Variants in PDE11A observed in about 807,000 individuals in gnomAD.
PDE11A encodes the protein phosphodiesterase 11A, also known as dual 3',5'-cyclic-AMP and -GMP phosphodiesterase 11A.
A neutral mutation model predicts 100.5 loss-of-function variants in PDE11A; 100 were observed. The ratio of observed to expected loss-of-function variants is 1.00; its 90% CI spans 0.85 to 1.18. The LOEUF (loss-of-function observed/expected upper bound fraction) is 1.18, where lower values mean the gene tolerates loss of function less well. Ranked by LOEUF, PDE11A falls within the 50% of genes most tolerant of loss-of-function variation. The probability of loss-of-function intolerance (pLI) is 0.00; values close to 1 mark genes in which losing one functional copy is unlikely to be tolerated. For missense variants in PDE11A, 1,141 were observed against 1,152.6 expected (o/e 0.99, Z 0.15); for synonymous variants, 381 against 420.8 (o/e 0.91, Z 1.16).
At chr2:177,647,080 C>T (rs911644974) in intron 19 of PDE11A, among the ~76,000 whole-genome samples, 2 of 152,172 alleles carry the variant, frequency 1.3e-5, no homozygotes, top group Non-Finnish European at 2.9e-5. Flanking sequence ...GGGCTTCTTA[C>T]AAGAGGTGGT....
intron 1 of PDE11A, chr2:178,104,611 C>T (rs1407951058): frequency 1.4e-6 from 1 of 701,156 alleles, no homozygotes; most frequent in South Asian, 1.8e-5. Context: ...TCCTTTAAAG[C>T]ATGCAAGCTT....
chr2:177,826,441 G>C (rs2083226594), intron 6 of PDE11A, among the ~76,000 whole-genome samples: 2 of 152,190 alleles, frequency 1.3e-5, no homozygotes, highest in Non-Finnish European at 2.9e-5. Context: ...TAATCTAGTG[G>C]TGAGAAATTC....
chr2:177,861,644 C>G (rs1268820897), intron 5 of PDE11A, among the ~76,000 whole-genome samples: 1 of 151,802 alleles, frequency 6.6e-6, no homozygotes, highest in Non-Finnish European at 1.5e-5. Context: ...AACAAAAAGT[C>G]AAAGGACTCA....
intron 1 of PDE11A, among the ~76,000 whole-genome samples, chr2:178,026,047 G>T (rs1393285965): frequency 3.3e-5 from 5 of 152,146 alleles, no homozygotes; most frequent in African/African-American, 1.2e-4. Context: ...CCAGGTCCAG[G>T]TCAGAAGAAC....
chr2:177,711,220 A>G (rs867509161), intron 13 of PDE11A, among the ~76,000 whole-genome samples: 3 of 152,314 alleles, frequency 2.0e-5, no homozygotes, highest in Middle Eastern at 3.4e-3. Context: ...ACATCCCTGT[A>G]TTTCTGTAAT....
chr2:178,021,697 C>A (rs1277967741), intron 1 of PDE11A, among the ~76,000 whole-genome samples: 1 of 152,046 alleles, frequency 6.6e-6, no homozygotes, highest in Non-Finnish European at 1.5e-5. Flanking sequence ...CAGCAGGGTG[C>A]CACAACTAGT....
chr2:177,807,068 G>A (rs1042381177), intron 9 of PDE11A, among the ~76,000 whole-genome samples: 12 of 151,864 alleles, frequency 7.9e-5, no homozygotes, highest in Non-Finnish European at 1.2e-4. Flanking sequence ...CAAGAAACTC[G>A]GCGAACACCA....
In PDE11A at chr2:177,898,175, G is replaced by A. The variant is rs2084639966; in HGVS notation, c.1185C>T (p.Asp395=). 3.7e-6 allele frequency: 6 copies of A among 1,608,010 alleles called. No individual in the cohort carries two copies. The South Asian group carries it at 6.6e-5, about 18-fold the overall frequency. Residue 395 remains aspartate, a synonymous_variant, in exon 4 of 20, where the codon GAC becomes GAT. Transcript: ENST00000286063. ...RSRALLEVVN[D]LFEEQTDLEK... ...CCAGGTCAGTCTGTTCTTCAAAGAG[G>A]TCATTAACCACCTCTAGCAAAGCCT...
At chr2:177,966,325 C>T (rs12994494) in intron 2 of PDE11A, among the ~76,000 whole-genome samples, 1 of 151,416 alleles carries the variant, frequency 6.6e-6, no homozygotes, top group African/African-American at 2.4e-5. Flanking sequence ...GACTTCCTCT[C>T]GTCTTTTATT....
intron 10 of PDE11A, among the ~76,000 whole-genome samples, chr2:177,747,016 C>A (rs576158288): frequency 2.6e-5 from 4 of 152,176 alleles, no homozygotes; most frequent in African/African-American, 9.6e-5. Flanking sequence ...ATGAAGTGGG[C>A]AGGCACAGGA....
At chr2:177,944,233 T>C (rs559815645) in intron 2 of PDE11A, among the ~76,000 whole-genome samples, 7 of 152,296 alleles carry the variant, frequency 4.6e-5, no homozygotes, top group African/African-American at 1.7e-4. Flanking sequence ...TTCCATCCTC[T>C]AGAAAGAGAC....
At chr2:177,952,001 C>T (rs2085510741) in intron 2 of PDE11A, among the ~76,000 whole-genome samples, 3 of 152,170 alleles carry the variant, frequency 2.0e-5, no homozygotes, top group Admixed American at 6.5e-5. Context: ...TGGTTTGCTG[C>T]ACCCATCAAC....
intron 10 of PDE11A, among the ~76,000 whole-genome samples, chr2:177,766,461 T>C (rs1469793570): frequency 6.6e-6 from 1 of 152,190 alleles, no homozygotes; most frequent in African/African-American, 2.4e-5. Context: ...ATTGCACACT[T>C]AAAAAAACTT....
chr2:177,824,031 C>T (rs1200597417), intron 6 of PDE11A, among the ~76,000 whole-genome samples: 3 of 152,090 alleles, frequency 2.0e-5, no homozygotes, highest in African/African-American at 7.2e-5. Flanking sequence ...TTAGGCTGTT[C>T]GCCAGTTAAA....
At chr2:177,824,812 T>C (rs551139263) in intron 6 of PDE11A, among the ~76,000 whole-genome samples, 1 of 152,270 alleles carries the variant, frequency 6.6e-6, no homozygotes, top group South Asian at 2.1e-4. Context: ...TAGTTACTCA[T>C]ATGGAAAATA....
At chr2:178,004,288 A>G (rs1166284980) in intron 2 of PDE11A, among the ~76,000 whole-genome samples, 1 of 152,100 alleles carries the variant, frequency 6.6e-6, no homozygotes, top group Non-Finnish European at 1.5e-5. Context: ...AAAGGAAAAA[A>G]AATCCAAGAA....
chr2:178,089,036 G>T (rs777098291), intron 2 of PDE11A, among the ~76,000 whole-genome samples: 4 of 152,164 alleles, frequency 2.6e-5, no homozygotes, highest in South Asian at 2.1e-4. Context: ...CAAAGTAGGC[G>T]TTGCACAGAT....
At chr2:178,018,389 C>CTTGGCACACTTGACTTTAAT in intron 1 of PDE11A, 3 of 497,728 alleles carry the variant, frequency 6.0e-6, no homozygotes, top group African/African-American at 2.0e-5. Flanking sequence ...TTGACTTTAA[C>CTTGGCACACTTGACTTTAAT]CTTTGCCGGG....
intron 5 of PDE11A, among the ~76,000 whole-genome samples, chr2:177,870,495 A>T (rs952792352): frequency 6.6e-6 from 1 of 152,246 alleles, no homozygotes; most frequent in African/African-American, 2.4e-5. Flanking sequence ...CTAAGACATC[A>T]CTGGTAGTAA....
Sources: gnomAD v4.1 joint callset for allele counts (sites outside exome capture counted in the v4.1 genomes callset) on GRCh38, gnomAD v4.1.1 for gene constraint, MANE v1.5 for transcripts, NCBI Gene and HGNC (gene_info 2026-07-23, HGNC 2026-07-21) for gene names.